HMGN5: variants seen among roughly 807,000 people sequenced by gnomAD.
The protein encoded by HMGN5 is high mobility group nucleosome-binding domain-containing protein 5.
In HMGN5, 4 loss-of-function variants were observed where a neutral mutation model predicts 9.5. The observed-to-expected ratio is 0.42, with a 90% CI of 0.21 to 0.96. HMGN5 has a LOEUF of 0.96. Among genes scored for constraint, HMGN5 ranks in the 40% least tolerant of loss-of-function variants. HMGN5 has a pLI of 0.30. For synonymous variants in HMGN5, 55 were observed against 57.1 expected (o/e 0.96, Z 0.16); for missense variants, 192 against 187.5 (o/e 1.02, Z -0.14).
intron 1 of HMGN5, among the ~76,000 whole-genome samples, chrX:81,182,402 T>C (rs1024301064): frequency 8.0e-5 from 9 of 112,313 alleles, no homozygotes; most frequent in African/African-American, 2.9e-4. Context: ...AAATCTCATG[T>C]TCAATTGTAA....
chrX:81,185,537 A>T (rs1047372596), intron 1 of HMGN5, among the ~76,000 whole-genome samples: 8 of 111,814 alleles, frequency 7.2e-5, no homozygotes, highest in African/African-American at 2.6e-4. Context: ...GTTTTATCAA[A>T]TATAAGATTA....
intron 1 of HMGN5, among the ~76,000 whole-genome samples, chrX:81,157,995 T>A (rs925704168): frequency 9.0e-6 from 1 of 110,662 alleles, no homozygotes; most frequent in Non-Finnish European, 1.9e-5. Context: ...TTAGCCAGGA[T>A]GGTCTCGATC....
intron 1 of HMGN5, among the ~76,000 whole-genome samples, chrX:81,166,328 G>T (rs896335764): frequency 2.7e-5 from 3 of 111,153 alleles, no homozygotes; most frequent in Non-Finnish European, 5.7e-5. Context: ...TAAGAAACTG[G>T]AAATTTTTCA....
chrX:81,181,917 A>C (rs776419088), intron 1 of HMGN5, among the ~76,000 whole-genome samples: 10 of 112,150 alleles, frequency 8.9e-5, no homozygotes, highest in South Asian at 7.3e-4. Context: ...GAGAGTACAG[A>C]TATCTCTTCG....
chrX:81,189,942 T>C (rs2075489265), intron 1 of HMGN5, among the ~76,000 whole-genome samples: 1 of 112,386 alleles, frequency 8.9e-6, no homozygotes, highest in South Asian at 3.7e-4. Context: ...TGTAGTGGTA[T>C]CTCATTGTTG....
Position 81,114,705 on chromosome X carries a change from CCT to C in HMGN5, c.791_792del (p.Glu264GlyfsTer3). 5 of 1,155,207 alleles carry C rather than the reference CCT, an allele frequency of 4.3e-6. No homozygotes were observed. Among genetic ancestry groups the C allele is most frequent in the Non-Finnish European group, 5.8e-6 (5 of 868,296 alleles). On this transcript the variant is annotated frameshift_variant, in exon 7 of 7. Transcript: ENST00000358130. LOFTEE classifies it low-confidence loss of function (END_TRUNC). ...EDLKEEEEGK[E>X]EDEIKEDDGK... ...CCATCATCTTCTTTGATCTCATCTTCCTCTTTTCCTTCTTCCTCTTCTTTTAA... is the reference window on the plus strand; with the variant it reads ...CCATCATCTTCTTTGATCTCATCTTCCTTTTCCTTCTTCCTCTTCTTTTAA...
At position 81,116,264 on chromosome X, in the gene HMGN5, T is replaced by C. The variant is rs975641342; in HGVS notation, c.207A>G (p.Glu69=). The part of the protein sequence containing the change: ...SAQAVAETKQ[E]AVVEEDYNEN... ...CATTGTAGTCTTCTTCAACAACTGC[T>C]TCTTGCTTGGTTTCAGCAACTGCTT... Residue 69 remains glutamate (E), a synonymous_variant, in exon 6 of 7, where the codon GAA becomes GAG. Coordinates refer to ENST00000358130, the MANE Select transcript of HMGN5 (RefSeq NM_030763.3). 8.4e-7 allele frequency: 1 copy of C among 1,195,675 alleles called. No individual in the cohort carries two copies. Among genetic ancestry groups the C allele is most frequent in the African/African-American group, 1.8e-5 (1 of 57,123 alleles).
chrX:81,180,608 T>C (rs1420312701), intron 1 of HMGN5, among the ~76,000 whole-genome samples: 1 of 111,818 alleles, frequency 8.9e-6, no homozygotes, highest in Non-Finnish European at 1.9e-5. Flanking sequence ...GTTGGGAGTG[T>C]AAATTAGTTC....
chrX:81,160,516 C>T (rs2075395332), intron 1 of HMGN5, among the ~76,000 whole-genome samples: 1 of 110,636 alleles, frequency 9.0e-6, no homozygotes, highest in Non-Finnish European at 1.9e-5. Context: ...TGCTCTCCTT[C>T]CCCTTGCCCC....
At chrX:81,194,203 A>C (rs2075501345) in intron 1 of HMGN5, among the ~76,000 whole-genome samples, 1 of 112,019 alleles carries the variant, frequency 8.9e-6, no homozygotes, top group Non-Finnish European at 1.9e-5. Flanking sequence ...TGTAAAAAGC[A>C]CCACAATAAA....
At chrX:81,141,240 C>T (rs757987285) in intron 1 of HMGN5, among the ~76,000 whole-genome samples, 5 of 111,896 alleles carry the variant, frequency 4.5e-5, no homozygotes, top group Non-Finnish European at 9.4e-5. Flanking sequence ...GGGAAGTCTT[C>T]ACCCTGCAGG....
chrX:81,172,607 T>G (rs973341310), intron 1 of HMGN5, among the ~76,000 whole-genome samples: 1 of 108,668 alleles, frequency 9.2e-6, no homozygotes, highest in Non-Finnish European at 1.9e-5. Flanking sequence ...TTTTGTATAA[T>G]TGAGTGACAG....
chrX:81,114,835 T>C lies in HMGN5; in HGVS notation c.663A>G (p.Lys221=), dbSNP rs1187953256. ...CTTTGACTTTTACATCTTTCCCCTC[T>C]TTTTTATCTCCCTTCTCTTTTCCAT... ...NEDGKEKGDK[K]EGKDVKVKED... Residue 221 remains lysine (K), a synonymous_variant, in exon 7 of 7, where the codon AAA becomes AAG. Coordinates refer to ENST00000358130, the MANE Select transcript of HMGN5 (RefSeq NM_030763.3). 1 of 1,159,437 alleles carries C rather than the reference T, an allele frequency of 8.6e-7. No homozygotes were observed. The highest frequency in any genetic ancestry group is 3.3e-5 in the East Asian group (1 of 30,516).
rs60182543 is a variant in HMGN5, at chrX:81,155,102, T to C, written c.-123-33430A>G. Among the ~76,000 whole-genome samples the C allele has an allele frequency of 6.8e-3, 620 of 91,029 alleles. 1 individual carries two copies. Among genetic ancestry groups the C allele is most frequent in the African/African-American group, 8.1e-3 (202 of 24,890 alleles). 79.0% of individuals were successfully genotyped at this position (91,029 alleles called of 115,157 possible). On this transcript the variant is annotated intron_variant, in intron 1 of 6. Transcript: ENST00000358130. Reference sequence around the variant, plus strand: ...ATATATATATATATATATATATATATACACACACACATACACATATATATA... The same window carrying C: ...ATATATATATATATATATATATATACACACACACACATACACATATATATA...
intron 1 of HMGN5, among the ~76,000 whole-genome samples, chrX:81,150,191 T>G (rs774728135): frequency 1.8e-5 from 2 of 111,913 alleles, no homozygotes; most frequent in Non-Finnish European, 3.8e-5. Context: ...TTTTCTAAAA[T>G]TGAAATAATA....
At chrX:81,117,801 T>C (rs2075258374) in intron 5 of HMGN5, among the ~76,000 whole-genome samples, 1 of 110,808 alleles carries the variant, frequency 9.0e-6, no homozygotes, top group South Asian at 3.7e-4. Flanking sequence ...AGTGATAGGA[T>C]TAGATGCTCT....
At chrX:81,141,358 G>A (rs1180726750) in intron 1 of HMGN5, among the ~76,000 whole-genome samples, 1 of 110,924 alleles carries the variant, frequency 9.0e-6, no homozygotes, top group Non-Finnish European at 1.9e-5. Flanking sequence ...CTTTGGGAGA[G>A]ACCCAGTGCT....
intron 1 of HMGN5, among the ~76,000 whole-genome samples, chrX:81,149,347 A>C (rs2075354452): frequency 9.0e-6 from 1 of 111,580 alleles, no homozygotes; most frequent in Admixed American, 9.5e-5. Context: ...ATGAAGCTGG[A>C]AAACATCATT....
chrX:81,143,811 G>T (rs1369557180), intron 1 of HMGN5, among the ~76,000 whole-genome samples: 2 of 112,009 alleles, frequency 1.8e-5, no homozygotes, highest in East Asian at 5.7e-4. Context: ...AGCTTGGTGG[G>T]GGGAGGAGCG....
Sources: gnomAD v4.1 joint callset for allele counts (sites outside exome capture counted in the v4.1 genomes callset) on GRCh38, gnomAD v4.1.1 for gene constraint, MANE v1.5 for transcripts, NCBI Gene and HGNC (gene_info 2026-07-23, HGNC 2026-07-21) for gene names.